The following PSCA variants were observed in gnomAD, a reference collection of about 807,000 sequenced individuals.
The protein encoded by PSCA is prostate stem cell antigen.
In PSCA, 7 loss-of-function variants were observed where a neutral mutation model predicts 7.9. The observed-to-expected ratio is 0.89, with a 90% CI of 0.51 to 1.67. PSCA has a LOEUF of 1.67. Ranked by LOEUF, PSCA falls within the 40% of genes most tolerant of loss-of-function variation. PSCA has a pLI of 0.00. For synonymous variants in PSCA, 61 were observed against 68.3 expected (o/e 0.89, Z 0.53); for missense variants, 151 against 147.9 (o/e 1.02, Z -0.11).
chr8:142,680,301 T>C (rs1420518475), upstream of PSCA: 4 of 569,476 alleles, frequency 7.0e-6, no homozygotes, highest in African/African-American at 5.6e-5. Flanking sequence ...GATATGGCCC[T>C]GGGTAGGCTC....
In PSCA at chr8:142,682,146, C is replaced by A; in HGVS notation, c.*14C>A. On this transcript the variant is annotated 3_prime_UTR_variant, in exon 3 of 3. Transcript: ENST00000301258. ...GGCCAGCTCTAGGCTCTGGGGGGCC[C>A]CGCTGCAGCCCACACTGGGTGTGGT... 6.3e-7 allele frequency: 1 copy of A among 1,589,344 alleles called. No homozygotes were observed. Among genetic ancestry groups the A allele is most frequent in the Non-Finnish European group, 8.5e-7 (1 of 1,174,826 alleles).
chr8:142,680,107 G>A (rs750200742), upstream of PSCA: 17 of 187,642 alleles, frequency 9.1e-5, no homozygotes, highest in Admixed American at 1.7e-4. Flanking sequence ...CCCAGAGGGC[G>A]GCACAGCTTC....
At chr8:142,676,845 C>T (rs910935070), upstream of PSCA, among the ~76,000 whole-genome samples, 1 of 152,228 alleles carries the variant, frequency 6.6e-6, no homozygotes, top group Non-Finnish European at 1.5e-5. Flanking sequence ...GCCTCTCAGC[C>T]CCTGTCCACC....
At chr8:142,678,796 C>A (rs983656366), upstream of PSCA, among the ~76,000 whole-genome samples, 3 of 151,560 alleles carry the variant, frequency 2.0e-5, no homozygotes, top group Admixed American at 6.6e-5. Flanking sequence ...AGAGCCTGGG[C>A]CTGCTCTAGA....
chr8:142,681,219 C>T (rs1428797712), intron 1 of PSCA, 108 bp from the exon 2 acceptor site: 19 of 749,452 alleles, frequency 2.5e-5, no homozygotes, highest in Non-Finnish European at 4.0e-5. Flanking sequence ...AAGAGGGCGC[C>T]GAGGACTTCC....
intron 1 of PSCA, among the ~76,000 whole-genome samples, chr8:142,671,135 C>G (rs1847318070): frequency 6.6e-6 from 1 of 152,148 alleles, no homozygotes; most frequent in African/African-American, 2.4e-5. Context: ...TCGGTTGGTT[C>G]CATCTGGATG....
At chr8:142,677,347 GC>G (rs1847411267), upstream of PSCA, among the ~76,000 whole-genome samples, 1 of 152,176 alleles carries the variant, frequency 6.6e-6, no homozygotes, top group Non-Finnish European at 1.5e-5. Flanking sequence ...CCCCTCCTTG[GC>G]CTGCACCCAC....
At chr8:142,680,960 C>T in intron 1 of PSCA, 1 of 452,676 alleles carries the variant, frequency 2.2e-6, no homozygotes. Context: ...TGGGGGTGTC[C>T]TGCGAGGACC....
In PSCA at chr8:142,682,369, C is replaced by G; in HGVS notation, c.*237C>G. The G allele has an allele frequency of 1.4e-6, 1 of 700,436 alleles. No homozygotes were observed. The highest frequency in any genetic ancestry group is 2.6e-6 in the Non-Finnish European group (1 of 384,674). 43.4% of individuals were successfully genotyped at this position (700,436 alleles called of 1,614,324 possible). On this transcript the variant is annotated 3_prime_UTR_variant, in exon 3 of 3. Transcript: ENST00000301258. ...ACAGATCCGCCTGCAGATGGCCCCT[C>G]CAACCCTCTCTGCTGCTGTTTCCAT...
rs782014691 is a variant in PSCA at position 142,682,296 on chromosome 8, C to T, written c.*164C>T. The T allele has an allele frequency of 1.1e-6, 1 of 870,956 alleles. No homozygotes were observed. Among genetic ancestry groups the T allele is most frequent in the Non-Finnish European group, 1.9e-6 (1 of 539,594 alleles). 54.0% of individuals were successfully genotyped at this position (870,956 alleles called of 1,614,324 possible). A position where few individuals can be genotyped will look rare whatever the true frequency, so the allele number is the denominator to read the frequency against. On this transcript the variant is annotated 3_prime_UTR_variant, in exon 3 of 3. Transcript: ENST00000301258. ...CGCCCCTGTCCCCCACCCTGACCCT[C>T]CCATGGCCCTCTCCAGGACTCCCAC...
intron 1 of PSCA, chr8:142,681,095 T>C (rs2129873118): frequency 1.9e-6 from 1 of 525,026 alleles, no homozygotes; most frequent in Admixed American, 3.3e-5. Flanking sequence ...AGCCGCAGCT[T>C]CCTCTTCTGA....
At chr8:142,670,966 C>T (rs1847313139) in intron 1 of PSCA, among the ~76,000 whole-genome samples, 1 of 152,160 alleles carries the variant, frequency 6.6e-6, no homozygotes, top group African/African-American at 2.4e-5. Flanking sequence ...CACATCTTCC[C>T]GTATACGTTA....
At position 142,682,118 on chromosome 8, in the gene PSCA, C is replaced by G; in HGVS notation, c.331C>G (p.Pro111Ala). ...TGCACTCGGCCTGCTGCTCTGGGGA[C>G]CCGGCCAGCTCTAGGCTCTGGGGGG... is the stretch of plus-strand genomic sequence containing the variant. ...LPALGLLLWG[P>A]GQL is the part of the protein sequence containing the mutation. Residue 111 changes from proline to alanine, a missense_variant, in exon 3 of 3, where the codon CCC becomes GCC. By Grantham distance (27) the Pro-to-Ala change is conservative. Transcript: ENST00000301258. 2 of 1,601,316 alleles carry G rather than the reference C, an allele frequency of 1.2e-6. No homozygotes were observed. The highest frequency in any genetic ancestry group is 2.2e-5 in the East Asian group (1 of 44,836).
rs1554638337 is a variant in PSCA at position 142,681,453 on chromosome 8, G to A, written c.133+19G>A. On this transcript the variant is annotated intron_variant, in intron 2 of 2. Transcript: ENST00000301258. ...CGCATCCGTGAGTGGGGGGACGACAGCCGCCAGGCCTAGGTCTCTGCCACT... is the reference window on the plus strand; with the variant it reads ...CGCATCCGTGAGTGGGGGGACGACAACCGCCAGGCCTAGGTCTCTGCCACT... 3 of 1,564,414 alleles carry A rather than the reference G, an allele frequency of 1.9e-6. No homozygotes were observed. Among genetic ancestry groups the A allele is most frequent in the Non-Finnish European group, 1.7e-6 (2 of 1,151,438 alleles).
rs1452942067 is a variant in PSCA at position 142,673,521 on chromosome 8, CAG to C, written n.261+2954_261+2955del. Among the ~76,000 whole-genome samples the C allele has an allele frequency of 2.6e-5, 4 of 152,200 alleles. No homozygotes were observed. Among genetic ancestry groups the C allele is most frequent in the Non-Finnish European group, 5.9e-5 (4 of 68,036 alleles). ...GCAAGATAGAGCTGATTTAGCAAGA[CAG>C]GGGAATTGCCATAGAGAAAGAGTTT... On this transcript the variant is annotated intron_variant and non_coding_transcript_variant, in intron 1 of 1. Transcript: ENST00000505305. This position sits in a 1 kb window ranked among gnomAD's most constrained non-coding sequence, Gnocchi z 4.6.
intron 1 of PSCA, among the ~76,000 whole-genome samples, chr8:142,674,169 C>T (rs1554637612): frequency 6.8e-6 from 1 of 147,202 alleles, no homozygotes; most frequent in Non-Finnish European, 1.5e-5. Flanking sequence ...GGCTGGGAAT[C>T]GTTTCAGTCT....
intron 1 of PSCA, chr8:142,680,776 GC>G: frequency 1.5e-6 from 1 of 645,346 alleles, no homozygotes; most frequent in Admixed American, 2.7e-5. Context: ...ACCGGGGCTT[GC>G]AGGGGCAGCA....
At chr8:142,677,737 T>A (rs1381579899), upstream of PSCA, among the ~76,000 whole-genome samples, 1 of 151,994 alleles carries the variant, frequency 6.6e-6, no homozygotes, top group Non-Finnish European at 1.5e-5. Flanking sequence ...GAGGGAAAGT[T>A]CTGGGTGGGC....
chr8:142,674,432 C>A (rs964182546), intron 1 of PSCA, among the ~76,000 whole-genome samples: 1 of 151,450 alleles, frequency 6.6e-6, no homozygotes, highest in Admixed American at 6.6e-5. Context: ...GGAATCATTT[C>A]AGTCTAACCT....
Sources: allele counts gnomAD v4.1 joint callset (sites outside exome capture counted in the v4.1 genomes callset), GRCh38; gene constraint gnomAD v4.1.1; non-coding constraint Gnocchi (gnomAD v3.1); transcripts MANE v1.5; gene names NCBI Gene and HGNC (gene_info 2026-07-23, HGNC 2026-07-21).